The following EVC2 variants were observed in gnomAD, a reference collection of about 807,000 sequenced individuals.
EVC2 encodes the protein limbin.
A neutral mutation model predicts 149.3 loss-of-function variants in EVC2; 148 were observed. That is an observed-to-expected ratio of 0.99 (90% confidence interval 0.87 to 1.14). The LOEUF (loss-of-function observed/expected upper bound fraction) is 1.14. Ranked by LOEUF, EVC2 falls within the 50% of genes most tolerant of loss-of-function variation. EVC2 has a pLI of 0.00. For missense variants in EVC2, 1,854 were observed against 1,627.3 expected (o/e 1.14, Z -2.40); for synonymous variants, 776 against 649.9 (o/e 1.19, Z -2.95).
At position 5,677,525 on chromosome 4, in the gene EVC2, T is replaced by C. The variant is rs548661209; in HGVS notation, c.870+3735A>G. Among the ~76,000 whole-genome samples the C allele has an allele frequency of 2.0e-5, 3 of 152,290 alleles. No homozygotes were observed. Among genetic ancestry groups the C allele is most frequent in the South Asian group, 4.1e-4 (2 of 4,832 alleles). ...CATCCCAGGGGGCAACTATTCCTCTTTCTCCTGAAGGCAACATGCAGGTGA... is the reference window on the plus strand; with the variant it reads ...CATCCCAGGGGGCAACTATTCCTCTCTCTCCTGAAGGCAACATGCAGGTGA... On this transcript the variant is annotated intron_variant, in intron 7 of 21. Coordinates refer to ENST00000344408, the MANE Select transcript of EVC2 (RefSeq NM_147127.5). This position sits in a 1 kb window ranked among gnomAD's most constrained non-coding sequence, Gnocchi z 4.3.
intron 16 of EVC2, among the ~76,000 whole-genome samples, chr4:5,598,237 C>T (rs932135448): frequency 2.0e-5 from 3 of 152,008 alleles, no homozygotes; most frequent in Admixed American, 6.6e-5. Context: ...TCATATGGAA[C>T]CAAAAAAGAG....
intron 5 of EVC2, among the ~76,000 whole-genome samples, chr4:5,688,779 C>T (rs1720898846): frequency 6.6e-6 from 1 of 152,232 alleles, no homozygotes; most frequent in South Asian, 2.1e-4. Context: ...ACAAACTCTT[C>T]ATCTTCCTGA....
intron 9 of EVC2, among the ~76,000 whole-genome samples, chr4:5,643,177 A>G (rs548086008): frequency 6.6e-6 from 1 of 152,334 alleles, no homozygotes; most frequent in Admixed American, 6.5e-5. Context: ...GACACCTCAA[A>G]AGACAAACTA....
rs1722517861 is a variant in EVC2, at chr4:5,569,468, A to T, written c.3361-828T>A. On this transcript the variant is annotated intron_variant, in intron 19 of 21. Transcript: ENST00000344408. This position sits in a 1 kb window ranked among gnomAD's most constrained non-coding sequence, Gnocchi z 4.8. ...CTCTGAAACTCTATACTAGCTTTGTAACTTCTTGTGAATCTAAAATAACTT... is the reference window on the plus strand; with the variant it reads ...CTCTGAAACTCTATACTAGCTTTGTTACTTCTTGTGAATCTAAAATAACTT... Among the ~76,000 whole-genome samples, 1 of 152,234 alleles carries T rather than the reference A, an allele frequency of 6.6e-6. No homozygotes were observed. The highest frequency in any genetic ancestry group is 2.1e-4 in the South Asian group (1 of 4,830).
chr4:5,611,210 C>G (rs777777543), intron 16 of EVC2, among the ~76,000 whole-genome samples: 2 of 152,166 alleles, frequency 1.3e-5, no homozygotes, highest in Non-Finnish European at 2.9e-5. Context: ...CTGAGGCAGA[C>G]CAGGTCCCAT....
Position 5,628,606 on chromosome 4 carries a change from C to G in EVC2, c.1839G>C (p.Leu613=). The stretch of plus-strand genomic sequence containing the variant: ...GAGTCAGCTGGGCTGCAGCGGTGCT[C>G]AGAAGGCCCTGCACACGGGTCTCTG... ...QSSETRVQGL[L]STAAAQLTHL... is the part of the protein sequence containing the mutation. Residue 613 remains leucine (L), a synonymous_variant, in exon 12 of 22, where the codon CTG becomes CTC. Transcript: ENST00000344408. 2 of 1,614,080 alleles carry G rather than the reference C, an allele frequency of 1.2e-6. No homozygotes were observed. The highest frequency in any genetic ancestry group is 8.5e-7 in the Non-Finnish European group (1 of 1,180,024).
the EVC2 span, among the ~76,000 whole-genome samples, chr4:5,533,624 C>T: frequency 2.0e-5 from 3 of 152,152 alleles, no homozygotes; most frequent in Non-Finnish European, 2.9e-5. Context: ...GCAGAAGAGC[C>T]GCCAGGGCAT....
rs1274029185 is a variant in EVC2 at position 5,567,797 on chromosome 4, G to T, written c.3557+647C>A. Among the ~76,000 whole-genome samples, 4 of 151,692 alleles carry T rather than the reference G, an allele frequency of 2.6e-5. No homozygotes were observed. The highest frequency in any genetic ancestry group is 2.6e-4 in the Admixed American group (4 of 15,280). The stretch of plus-strand genomic sequence containing the variant: ...TATGCTACACCCCTTAGCATGAGGA[G>T]CCAGTAAAAATAATATCCACCTGTG... On this transcript the variant is annotated intron_variant, in intron 20 of 21. Transcript: ENST00000344408. The surrounding 1 kb of genome is among the most constrained non-coding windows in gnomAD (Gnocchi z 4.4).
chr4:5,595,023 G>T (rs998025148), intron 16 of EVC2, among the ~76,000 whole-genome samples: 3 of 152,104 alleles, frequency 2.0e-5, no homozygotes, highest in African/African-American at 7.2e-5. Context: ...AGAGAAAAAA[G>T]AATAAAAAGA....
At chr4:5,550,985 C>G (rs371830755) in intron 21 of EVC2, among the ~76,000 whole-genome samples, 4 of 152,338 alleles carry the variant, frequency 2.6e-5, no homozygotes, top group African/African-American at 9.6e-5. Flanking sequence ...GTTTGGGAAC[C>G]TCTGCCTAGA....
In EVC2 at chr4:5,628,658, T is replaced by C. The variant is rs774707822; in HGVS notation, c.1787A>G (p.Glu596Gly). 1 of 1,613,868 alleles carries C rather than the reference T, an allele frequency of 6.2e-7. No homozygotes were observed. Among genetic ancestry groups the C allele is most frequent in the East Asian group, 2.2e-5 (1 of 44,856 alleles). The change falls in exon 12 of 22, where the codon GAA becomes GGA. Residue 596 changes from glutamate (E) to glycine (G), a missense_variant. Physicochemically the swap from Glu to Gly is moderately conservative, Grantham distance 98. Coordinates refer to ENST00000344408, the MANE Select transcript of EVC2 (RefSeq NM_147127.5). ...YHLSKRFGHR[E>G]YLVQNLQSSE... ...TGACTGGAGGTTCTGGACCAGATATTCCCTGTGGCCAAATCTTTTACTTAG... is the reference window on the plus strand; with the variant it reads ...TGACTGGAGGTTCTGGACCAGATATCCCCTGTGGCCAAATCTTTTACTTAG...
At chr4:5,621,396 T>C (rs1002927981) in intron 14 of EVC2, among the ~76,000 whole-genome samples, 1 of 152,244 alleles carries the variant, frequency 6.6e-6, no homozygotes, top group African/African-American at 2.4e-5. Context: ...GTTTTTGTGG[T>C]CTTCATTTTA....
In EVC2 at chr4:5,562,450, C is replaced by A; in HGVS notation, c.*398G>T. On this transcript the variant is annotated 3_prime_UTR_variant, in exon 22 of 22. Coordinates refer to ENST00000344408, the MANE Select transcript of EVC2 (RefSeq NM_147127.5). This position sits in a 1 kb window ranked among gnomAD's most constrained non-coding sequence, Gnocchi z 4.3. ...TTGTAATAAACAGCTTTGTGCAAAACACATTTATTTTTTAAAATTCCCTTT... is the reference window on the plus strand; with the variant it reads ...TTGTAATAAACAGCTTTGTGCAAAAAACATTTATTTTTTAAAATTCCCTTT... 1 of 1,056,738 alleles carries A rather than the reference C, an allele frequency of 9.5e-7. No homozygotes were observed. 65.5% of individuals were successfully genotyped at this position (1,056,738 alleles called of 1,614,324 possible).
intron 6 of EVC2, among the ~76,000 whole-genome samples, chr4:5,683,693 C>G (rs374109009): frequency 6.6e-6 from 1 of 152,192 alleles, no homozygotes; most frequent in East Asian, 1.9e-4. Context: ...GGGGAAGCCA[C>G]GAGGAAGGTC....
At chr4:5,551,636 T>C (rs1055688466) in intron 21 of EVC2, among the ~76,000 whole-genome samples, 2 of 152,160 alleles carry the variant, frequency 1.3e-5, no homozygotes, top group African/African-American at 4.8e-5. Flanking sequence ...TGGGGGACTT[T>C]TGGGAAGGCA....
intron 16 of EVC2, among the ~76,000 whole-genome samples, chr4:5,593,593 A>C (rs1713044636): frequency 6.6e-6 from 1 of 152,196 alleles, no homozygotes; most frequent in African/African-American, 2.4e-5. Flanking sequence ...GGTGGAGCAA[A>C]GATGGCCGAA....
intron 7 of EVC2, among the ~76,000 whole-genome samples, chr4:5,668,623 T>TA (rs369159816): frequency 2.1e-4 from 32 of 152,134 alleles, no homozygotes; most frequent in Middle Eastern, 3.4e-3. Flanking sequence ...GAAAGGAAAC[T>TA]AAAAAAAATC....
At chr4:5,611,100 T>C (rs1257784788) in intron 16 of EVC2, among the ~76,000 whole-genome samples, 2 of 152,138 alleles carry the variant, frequency 1.3e-5, no homozygotes, top group African/African-American at 2.4e-5. Context: ...CTCTTCCCCA[T>C]CTGCCTTGGA....
intron 4 of EVC2, among the ~76,000 whole-genome samples, chr4:5,690,735 G>A (rs531364335): frequency 2.0e-5 from 3 of 152,242 alleles, no homozygotes; most frequent in Admixed American, 2.0e-4. Context: ...TCTCTCCTGG[G>A]CTCTGCGACA....
Sources: allele counts gnomAD v4.1 joint callset (sites outside exome capture counted in the v4.1 genomes callset), GRCh38; gene constraint gnomAD v4.1.1; non-coding constraint Gnocchi (gnomAD v3.1); transcripts MANE v1.5; gene names NCBI Gene and HGNC (gene_info 2026-07-23, HGNC 2026-07-21).